Variants in DNER observed in about 807,000 individuals in gnomAD.
The protein encoded by DNER is delta/notch like EGF repeat containing.
Under a neutral mutation model 78.2 loss-of-function variants are expected in DNER, and 33 were observed. The ratio of observed to expected loss-of-function variants is 0.42; its 90% CI spans 0.32 to 0.56. The LOEUF (loss-of-function observed/expected upper bound fraction) is 0.56. Ranked by LOEUF, DNER falls within the 20% of genes least tolerant of loss-of-function variation. DNER has a pLI of 0.11. For synonymous variants in DNER, 417 were observed against 384.8 expected (o/e 1.08, Z -0.98); for missense variants, 918 against 975.3 (o/e 0.94, Z 0.78).
intron 4 of DNER, among the ~76,000 whole-genome samples, chr2:229,554,224 T>A (rs553463292): frequency 6.6e-6 from 1 of 152,286 alleles, no homozygotes; most frequent in South Asian, 2.1e-4. Flanking sequence ...ATGCTAAGAA[T>A]GTTTTTAACA....
At chr2:229,587,747 C>T (rs1697529143) in intron 3 of DNER, among the ~76,000 whole-genome samples, 1 of 152,086 alleles carries the variant, frequency 6.6e-6, no homozygotes, top group Non-Finnish European at 1.5e-5. Flanking sequence ...AATACTGGCC[C>T]ATACCCCACC....
intron 5 of DNER, among the ~76,000 whole-genome samples, chr2:229,517,866 A>G (rs1249581374): frequency 6.6e-6 from 1 of 152,192 alleles, no homozygotes; most frequent in Non-Finnish European, 1.5e-5. Flanking sequence ...AGTGGTGCTG[A>G]GCTTGAGAAA....
At chr2:229,680,028 T>C (rs1232162806) in intron 1 of DNER, among the ~76,000 whole-genome samples, 1 of 152,206 alleles carries the variant, frequency 6.6e-6, no homozygotes, top group African/African-American at 2.4e-5. Flanking sequence ...AACTGCAAAG[T>C]ACCAGAAGGT....
At chr2:229,473,764 A>G (rs1041202634) in intron 7 of DNER, among the ~76,000 whole-genome samples, 1 of 152,214 alleles carries the variant, frequency 6.6e-6, no homozygotes, top group African/African-American at 2.4e-5. Context: ...ACAAAAACCT[A>G]CAATGGAGAA....
intron 1 of DNER, among the ~76,000 whole-genome samples, chr2:229,671,956 G>A (rs1049308239): frequency 6.6e-6 from 1 of 152,206 alleles, no homozygotes; most frequent in Non-Finnish European, 1.5e-5. Flanking sequence ...GTTTGTGTGA[G>A]GAGGGTAGGA....
At chr2:229,454,755 C>A (rs555696647) in intron 7 of DNER, among the ~76,000 whole-genome samples, 4 of 151,660 alleles carry the variant, frequency 2.6e-5, no homozygotes, top group Non-Finnish European at 5.9e-5. Context: ...TTTTTCTTAC[C>A]AATTCAAGAA....
In DNER at chr2:229,492,781, G is replaced by A. The variant is rs192913867; in HGVS notation, c.1148-15528C>T. Reference sequence around the variant, plus strand: ...ACACCTGGGTTCAAGCTAACCTCCTGCGGCAGCCTCTGAAATACCTATGAC... The same window carrying A: ...ACACCTGGGTTCAAGCTAACCTCCTACGGCAGCCTCTGAAATACCTATGAC... On this transcript the variant is annotated intron_variant, in intron 6 of 12. Coordinates refer to ENST00000341772, the MANE Select transcript of DNER (RefSeq NM_139072.4). Among the ~76,000 whole-genome samples, 470 of 152,284 alleles carry A rather than the reference G, an allele frequency of 3.1e-3. 1 individual carries two copies. Among genetic ancestry groups the A allele is most frequent in the African/African-American group, 0.011 (445 of 41,550 alleles).
At chr2:229,630,685 G>T (rs1414262116) in intron 1 of DNER, among the ~76,000 whole-genome samples, 1 of 151,956 alleles carries the variant, frequency 6.6e-6, no homozygotes, top group Non-Finnish European at 1.5e-5. Flanking sequence ...GTGCAGGTTT[G>T]TTACAAGGAC....
At chr2:229,654,304 T>C (rs969080848) in intron 1 of DNER, among the ~76,000 whole-genome samples, 6 of 152,184 alleles carry the variant, frequency 3.9e-5, no homozygotes, top group Admixed American at 1.3e-4. Context: ...ACTGGGTATA[T>C]ACTGAAAGGA....
At chr2:229,428,831 A>T (rs1693942607) in intron 8 of DNER, among the ~76,000 whole-genome samples, 1 of 152,192 alleles carries the variant, frequency 6.6e-6, no homozygotes, top group Admixed American at 6.5e-5. Context: ...GGAGGGCAGA[A>T]AAAGAGAGAG....
At chr2:229,687,268 T>G (rs944996050) in intron 1 of DNER, among the ~76,000 whole-genome samples, 1 of 150,040 alleles carries the variant, frequency 6.7e-6, no homozygotes, top group Non-Finnish European at 1.5e-5. Flanking sequence ...AACTTCTTTT[T>G]TTTTTTTTTT....
At chr2:229,607,879 G>A (rs6738620) in intron 1 of DNER, among the ~76,000 whole-genome samples, 6,496 of 151,770 alleles carry the variant, frequency 0.043, 189 homozygotes, top group East Asian at 0.14. Flanking sequence ...AAAATTAACC[G>A]GGCATGGTGG....
At chr2:229,586,508 TAAAAAAAAAA>T (rs555047737) in intron 3 of DNER, among the ~76,000 whole-genome samples, 22 of 13,490 alleles carry the variant, frequency 1.6e-3, no homozygotes, top group Admixed American at 4.8e-3. Flanking sequence ...TCATTTTTGG[TAAAAAAAAAA>T]AAAAAAAAAA....
At chr2:229,514,640 T>A (rs1695932728) in intron 5 of DNER, among the ~76,000 whole-genome samples, 1 of 152,192 alleles carries the variant, frequency 6.6e-6, no homozygotes, top group South Asian at 2.1e-4. Context: ...ATGGCTGGCT[T>A]CTATTAGTAG....
chr2:229,408,828 T>C (rs1324927997), intron 9 of DNER, among the ~76,000 whole-genome samples: 1 of 152,196 alleles, frequency 6.6e-6, no homozygotes, highest in Non-Finnish European at 1.5e-5. Flanking sequence ...TGACCTGTAA[T>C]TCTTTTTCAT....
At chr2:229,657,748 C>T (rs1262173106) in intron 1 of DNER, among the ~76,000 whole-genome samples, 1 of 152,132 alleles carries the variant, frequency 6.6e-6, no homozygotes, top group Non-Finnish European at 1.5e-5. Flanking sequence ...ACAGCTTCTC[C>T]ATCTCTGAGA....
At chr2:229,620,119 G>T (rs73107354) in intron 1 of DNER, among the ~76,000 whole-genome samples, 1,607 of 152,294 alleles carry the variant, frequency 0.011, 32 homozygotes, top group African/African-American at 0.037. Flanking sequence ...AAAGCGACTC[G>T]GATGGGCACC....
At chr2:229,582,696 G>C (rs1697425166) in intron 4 of DNER, among the ~76,000 whole-genome samples, 1 of 152,118 alleles carries the variant, frequency 6.6e-6, no homozygotes, top group African/African-American at 2.4e-5. Flanking sequence ...CTAGAGTGCA[G>C]TGGCGTGATC....
chr2:229,451,184 C>A (rs979393396), intron 7 of DNER, among the ~76,000 whole-genome samples: 1 of 152,184 alleles, frequency 6.6e-6, no homozygotes, highest in Non-Finnish European at 1.5e-5. Flanking sequence ...ACAGGCCAGG[C>A]GTGATGGCTC....
Sources: allele counts gnomAD v4.1 joint callset (sites outside exome capture counted in the v4.1 genomes callset), GRCh38; gene constraint gnomAD v4.1.1; transcripts MANE v1.5; gene names NCBI Gene and HGNC (gene_info 2026-07-23, HGNC 2026-07-21).